CTNNA2: variants seen among roughly 807,000 people sequenced by gnomAD.
CTNNA2 encodes the protein catenin alpha 2.
A neutral mutation model predicts 101.0 loss-of-function variants in CTNNA2; 42 were observed. The ratio of observed to expected loss-of-function variants is 0.42; its 90% confidence interval spans 0.32 to 0.54. CTNNA2 has a LOEUF of 0.54. Ranked by LOEUF, CTNNA2 falls within the 20% of genes least tolerant of loss-of-function variation. The probability of loss-of-function intolerance (pLI) is 0.14; values close to 1 mark genes in which losing one functional copy is unlikely to be tolerated. For synonymous variants in CTNNA2, 450 were observed against 456.4 expected (o/e 0.99, Z 0.18); for missense variants, 871 against 1,223.1 (o/e 0.71, Z 4.29).
chr2:80,621,447 C>T (rs866540676), intron 18 of CTNNA2, among the ~76,000 whole-genome samples: 17 of 151,894 alleles, frequency 1.1e-4, no homozygotes, highest in Middle Eastern at 3.4e-3. Context: ...AAATAGACAA[C>T]GTCATTTGAT....
chr2:79,658,038 A>G (rs1236928871), intron 2 of CTNNA2, among the ~76,000 whole-genome samples: 1 of 151,922 alleles, frequency 6.6e-6, no homozygotes, highest in African/African-American at 2.4e-5. Context: ...ACAAAAAATA[A>G]TTTTGTATCT....
intron 7 of CTNNA2, among the ~76,000 whole-genome samples, chr2:80,252,649 A>G (rs1671854575): frequency 6.6e-6 from 1 of 152,224 alleles, no homozygotes; most frequent in Admixed American, 6.5e-5. Flanking sequence ...AACTGTTGAC[A>G]TGGATCTGGG....
intron 7 of CTNNA2, among the ~76,000 whole-genome samples, chr2:80,330,336 G>C (rs1369877333): frequency 6.6e-6 from 1 of 152,174 alleles, no homozygotes; most frequent in South Asian, 2.1e-4. Context: ...AAAAATAAAG[G>C]CAGAGGCCAT....
chr2:80,056,493 C>T (rs1697221239), intron 7 of CTNNA2, among the ~76,000 whole-genome samples: 1 of 152,144 alleles, frequency 6.6e-6, no homozygotes, highest in Non-Finnish European at 1.5e-5. Context: ...AGACGTTGCC[C>T]ATAGTGGGCA....
At chr2:80,315,596 G>A (rs1678041205) in intron 7 of CTNNA2, among the ~76,000 whole-genome samples, 1 of 152,136 alleles carries the variant, frequency 6.6e-6, no homozygotes, top group Non-Finnish European at 1.5e-5. Flanking sequence ...AGGGTTCCAA[G>A]AGCAGCAAAG....
intron 2 of CTNNA2, among the ~76,000 whole-genome samples, chr2:79,726,173 T>C (rs1332698774): frequency 3.3e-5 from 5 of 151,740 alleles, no homozygotes; most frequent in Non-Finnish European, 5.9e-5. Context: ...TGGACTTCTG[T>C]TGAATTTCAT....
chr2:79,721,449 A>G (rs974882532), intron 2 of CTNNA2, among the ~76,000 whole-genome samples: 2 of 152,190 alleles, frequency 1.3e-5, no homozygotes, highest in Non-Finnish European at 2.9e-5. Context: ...ACCTTATCTA[A>G]TCCTAATTAC....
chr2:80,147,674 C>A (rs1297936763), intron 7 of CTNNA2, among the ~76,000 whole-genome samples: 2 of 152,146 alleles, frequency 1.3e-5, no homozygotes. Flanking sequence ...TCCATCTCAG[C>A]CCCTTGTAGC....
chr2:80,593,886 A>G (rs216637), intron 15 of CTNNA2, among the ~76,000 whole-genome samples: 84,501 of 151,940 alleles, frequency 0.56, 23,753 homozygotes, highest in East Asian at 0.66. Flanking sequence ...TCTCTTAATA[A>G]GCACTTGGGT....
At chr2:79,830,352 G>C (rs1299631535) in intron 3 of CTNNA2, among the ~76,000 whole-genome samples, 1 of 152,152 alleles carries the variant, frequency 6.6e-6, no homozygotes, top group Non-Finnish European at 1.5e-5. Flanking sequence ...GGGAAGTTCT[G>C]GGGAGGATGG....
chr2:79,436,492 C>A (rs1329291136), intron 4 of CTNNA2, among the ~76,000 whole-genome samples: 2 of 132,900 alleles, frequency 1.5e-5, no homozygotes, highest in Admixed American at 7.7e-5. Flanking sequence ...ACTTTAAAAA[C>A]ACTGATCCCA....
chr2:80,488,491 C>T (rs1686777671), intron 9 of CTNNA2, among the ~76,000 whole-genome samples: 1 of 151,922 alleles, frequency 6.6e-6, no homozygotes, highest in Admixed American at 6.6e-5. Flanking sequence ...GAAAAAAAAC[C>T]TTCTCTCCAT....
chr2:79,248,899 T>C (rs35494799), intron 2 of CTNNA2, among the ~76,000 whole-genome samples: 32,675 of 152,198 alleles, frequency 0.21, 3,822 homozygotes, highest in Admixed American at 0.34. Context: ...CTTTCAGTTA[T>C]TTCAGCACCC....
intron 1 of CTNNA2, among the ~76,000 whole-genome samples, chr2:79,538,492 G>A (rs1269128302): frequency 1.3e-5 from 2 of 152,306 alleles, no homozygotes; most frequent in East Asian, 3.9e-4. Context: ...AAAATACTGT[G>A]GAAGCATGGA....
At chr2:80,481,238 T>C (rs1436092488) in intron 9 of CTNNA2, among the ~76,000 whole-genome samples, 1 of 152,180 alleles carries the variant, frequency 6.6e-6, no homozygotes, top group Non-Finnish European at 1.5e-5. Context: ...TTCCTTATAC[T>C]CAAATCATGT....
At chr2:79,414,669 G>A (rs1678457759) in intron 4 of CTNNA2, among the ~76,000 whole-genome samples, 1 of 152,002 alleles carries the variant, frequency 6.6e-6, no homozygotes, top group African/African-American at 2.4e-5. Flanking sequence ...CAGCATCTGG[G>A]CCAGAATCCA....
chr2:80,051,233 A>C (rs537447672), intron 7 of CTNNA2, among the ~76,000 whole-genome samples: 1 of 152,310 alleles, frequency 6.6e-6, no homozygotes, highest in South Asian at 2.1e-4. Context: ...GAACGTCTCT[A>C]TTTTGAGGTT....
rs1178102444 is a variant in CTNNA2 at position 80,647,863 on chromosome 2, T to G, written c.2853T>G (p.Asp951Glu). ...CTTTAAGTGAATTCAAAGCAATGGA[T>G]TCCTTCTAGGACGATAGGTTTTAAC... is the stretch of plus-strand genomic sequence containing the variant. ...VQALSEFKAM[D>E]SF The change falls in exon 19 of 19, where the codon GAT (aspartate) becomes GAG (glutamate). Residue 951 changes from aspartate to glutamate, a missense_variant. This residue lies in a region of CTNNA2 where 41 missense variants were observed against 45.1 expected (regional missense o/e 0.91). Transcript: ENST00000402739. 6.2e-7 allele frequency: 1 copy of G among 1,602,680 alleles called. No individual in the cohort carries two copies. Among genetic ancestry groups the G allele is most frequent in the South Asian group, 1.1e-5 (1 of 89,824 alleles).
chr2:79,468,146 G>C (rs1302131365), intron 4 of CTNNA2, among the ~76,000 whole-genome samples: 1 of 152,124 alleles, frequency 6.6e-6, no homozygotes, highest in Non-Finnish European at 1.5e-5. Context: ...CTTACATGCA[G>C]AGACACACAT....
Sources: gnomAD v4.1 joint callset for allele counts (sites outside exome capture counted in the v4.1 genomes callset) on GRCh38, gnomAD v4.1.1 for gene constraint, gnomAD v4.1.1 regional missense constraint, MANE v1.5 for transcripts, NCBI Gene and HGNC (gene_info 2026-07-23, HGNC 2026-07-21) for gene names.